The following NRG1 variants were observed in gnomAD, a reference collection of about 807,000 sequenced individuals.
The protein encoded by NRG1 is pro-neuregulin-1, membrane-bound isoform.
NRG1 carries 18 observed loss-of-function variants against 63.8 expected under a neutral mutation model. That is an observed-to-expected ratio of 0.28 (90% CI 0.19 to 0.42). The LOEUF is 0.42. Ranked by LOEUF, NRG1 falls within the 10% of genes least tolerant of loss-of-function variation. NRG1 has a pLI of 1.00. For synonymous variants in NRG1, 302 were observed against 301.3 expected (o/e 1.00, Z -0.02); for missense variants, 762 against 814.7 (o/e 0.94, Z 0.79).
chr8:32,241,255 C>T (rs1044594039), intron 1 of NRG1, among the ~76,000 whole-genome samples: 2 of 152,172 alleles, frequency 1.3e-5, no homozygotes, highest in African/African-American at 4.8e-5. Flanking sequence ...TGCCATAGAA[C>T]ATCTGAGAGT....
At position 32,534,649 on chromosome 8, in the gene NRG1, G is replaced by A. The variant is rs117291244; in HGVS notation, c.38-61179G>A. On this transcript the variant is annotated intron_variant, in intron 1 of 10. Coordinates refer to the NRG1 transcript ENST00000519301. ...TATTGGCTATTTATGGCTTTTATTG[G>A]CATATTAATGTCTTTTACTGATGAT... is the stretch of plus-strand genomic sequence containing the variant. Among the ~76,000 whole-genome samples, 458 of 152,108 alleles carry A rather than the reference G, an allele frequency of 3.0e-3. 1 individual carries two copies. The highest frequency in any genetic ancestry group is 5.3e-3 in the Non-Finnish European group (362 of 67,948).
chr8:32,241,993 T>C lies in NRG1; in HGVS notation c.38-353835T>C, dbSNP rs868190333. Reference sequence around the variant, plus strand: ...ATCTTAAACTCCTAGCCTCAAGAAATCCTTCAGACTTGTCCTCCTAGAGTG... The same window carrying C: ...ATCTTAAACTCCTAGCCTCAAGAAACCCTTCAGACTTGTCCTCCTAGAGTG... On this transcript the variant is annotated intron_variant, in intron 1 of 10. Coordinates refer to the NRG1 transcript ENST00000519301. Among the ~76,000 whole-genome samples the C allele has an allele frequency of 6.6e-5, 10 of 152,204 alleles. No individual in the cohort carries two copies. The Middle Eastern group carries it at 0.014, about 207-fold the overall frequency.
intron 5 of NRG1, among the ~76,000 whole-genome samples, chr8:32,689,303 A>C (rs1810984761): frequency 6.6e-6 from 1 of 152,192 alleles, no homozygotes; most frequent in Non-Finnish European, 1.5e-5. Flanking sequence ...AAATCAAAAA[A>C]AAAAAAAGGA....
At chr8:32,156,283 G>A (rs2131864587) in intron 1 of NRG1, among the ~76,000 whole-genome samples, 1 of 152,318 alleles carries the variant, frequency 6.6e-6, no homozygotes, top group East Asian at 1.9e-4. Context: ...TGATGGTCAT[G>A]TTCTCAGAGC....
At chr8:32,261,174 G>T (rs1264094979) in intron 1 of NRG1, among the ~76,000 whole-genome samples, 1 of 152,106 alleles carries the variant, frequency 6.6e-6, no homozygotes, top group Non-Finnish European at 1.5e-5. Flanking sequence ...TGGCACAGTT[G>T]TCCAAAAAAT....
intron 1 of NRG1, among the ~76,000 whole-genome samples, chr8:31,788,314 CT>C (rs1489723414): frequency 6.6e-6 from 1 of 152,092 alleles, no homozygotes; most frequent in Non-Finnish European, 1.5e-5. Context: ...TATAAATGCT[CT>C]TTTAAATTAA....
Position 31,796,729 on chromosome 8 carries a change from G to A in NRG1, c.37+157298G>A, listed in dbSNP as rs186833446. Among the ~76,000 whole-genome samples, 16 of 152,172 alleles carry A rather than the reference G, an allele frequency of 1.1e-4. No homozygotes were observed. In the South Asian group the frequency reaches 1.2e-3, roughly 12 times the overall value. On this transcript the variant is annotated intron_variant, in intron 1 of 10. Coordinates refer to the NRG1 transcript ENST00000519301. ...TGGGATTACAGGCGTGAGCCACTGC[G>A]CCCGGCCAGAAGGTGGAGTGCTATT...
intron 1 of NRG1, among the ~76,000 whole-genome samples, chr8:31,687,968 A>T (rs926663001): frequency 1.3e-5 from 2 of 152,234 alleles, no homozygotes; most frequent in Non-Finnish European, 2.9e-5. Context: ...CACTCCCTAC[A>T]TCTGGGCCAA....
chr8:31,773,764 G>A (rs979267007), intron 1 of NRG1, among the ~76,000 whole-genome samples: 4 of 147,794 alleles, frequency 2.7e-5, no homozygotes, highest in African/African-American at 5.0e-5. Flanking sequence ...TTTTACATTC[G>A]AATATCCTTC....
At chr8:31,947,962 A>AAC (rs1313562944) in intron 1 of NRG1, among the ~76,000 whole-genome samples, 2 of 150,146 alleles carry the variant, frequency 1.3e-5, no homozygotes, top group African/African-American at 4.9e-5. Context: ...AAAAAAAAAA[A>AAC]AAAAAAAAAA....
intron 5 of NRG1, among the ~76,000 whole-genome samples, chr8:32,617,542 G>C (rs1847596332): frequency 2.0e-5 from 3 of 152,174 alleles, no homozygotes; most frequent in African/African-American, 7.2e-5. Context: ...CTAGTATAAA[G>C]AGTTTTTGAT....
At chr8:32,559,584 A>T (rs1211895866) in intron 1 of NRG1, among the ~76,000 whole-genome samples, 1 of 152,170 alleles carries the variant, frequency 6.6e-6, no homozygotes, top group Admixed American at 6.6e-5. Flanking sequence ...CTTTCTTTTC[A>T]ATTAGATTCA....
At chr8:31,952,600 C>A (rs1278061325) in intron 1 of NRG1, among the ~76,000 whole-genome samples, 1 of 152,186 alleles carries the variant, frequency 6.6e-6, no homozygotes, top group African/African-American at 2.4e-5. Flanking sequence ...AACTAACAAA[C>A]AACTGTTACA....
intron 1 of NRG1, among the ~76,000 whole-genome samples, chr8:32,280,680 GTTTTTTTTTTGT>G (rs1852619353): frequency 1.9e-5 from 1 of 53,758 alleles, no homozygotes; most frequent in Non-Finnish European, 3.5e-5. Context: ...ACTGAATTAG[GTTTTTTTTTTGT>G]TTTTTTTTTT....
At chr8:32,106,310 T>A (rs1017077932) in intron 1 of NRG1, among the ~76,000 whole-genome samples, 3 of 152,238 alleles carry the variant, frequency 2.0e-5, no homozygotes, top group African/African-American at 7.2e-5. Flanking sequence ...TGCATATAAC[T>A]ACATGCAGTT....
chr8:32,554,237 T>C (rs532561367), intron 1 of NRG1, among the ~76,000 whole-genome samples: 105 of 152,330 alleles, frequency 6.9e-4, no homozygotes, highest in Non-Finnish European at 1.1e-3. Context: ...AATGAAGTTT[T>C]CTTGAAGGAA....
intron 1 of NRG1, among the ~76,000 whole-genome samples, chr8:32,504,368 A>T (rs1160372507): frequency 6.6e-6 from 1 of 152,200 alleles, no homozygotes; most frequent in African/African-American, 2.4e-5. Context: ...ACCAAAGATT[A>T]TCTTATATCA....
intron 1 of NRG1, among the ~76,000 whole-genome samples, chr8:31,885,703 T>C (rs549076434): frequency 2.6e-5 from 4 of 152,228 alleles, no homozygotes; most frequent in Admixed American, 1.3e-4. Flanking sequence ...AGTTAGTATG[T>C]CCTGATTTTT....
At chr8:32,208,507 G>A (rs957787676) in intron 1 of NRG1, among the ~76,000 whole-genome samples, 3 of 151,890 alleles carry the variant, frequency 2.0e-5, no homozygotes, top group Admixed American at 1.3e-4. Flanking sequence ...ATCCGCCCAC[G>A]TCGGCCTCCC....
Sources: allele counts gnomAD v4.1 joint callset (sites outside exome capture counted in the v4.1 genomes callset), GRCh38; gene constraint gnomAD v4.1.1; transcripts MANE v1.5; gene names NCBI Gene and HGNC (gene_info 2026-07-23, HGNC 2026-07-21).